The following RBFOX1 variants were observed in gnomAD, a reference collection of about 807,000 sequenced individuals.
RBFOX1 encodes the protein RNA binding fox-1 homolog 1.
RBFOX1 carries 8 observed loss-of-function variants against 57.7 expected under a neutral mutation model. That is an observed-to-expected ratio of 0.14 (90% confidence interval 0.08 to 0.25). The LOEUF (loss-of-function observed/expected upper bound fraction) is 0.25. RBFOX1 is among the 10% of genes least tolerant of loss of function. RBFOX1 has a pLI of 1.00. For missense variants in RBFOX1, 611 were observed against 548.5 expected, an observed-to-expected ratio of 1.11 and a Z score of -1.14; for synonymous variants, 326 against 222.4, an observed-to-expected ratio of 1.47 and a Z score of -4.15.
At chr16:7,607,231 A>G (rs1380335523) in intron 9 of RBFOX1, 54 bp from the exon 10 acceptor site, 2 of 1,479,850 alleles carry the variant, frequency 1.4e-6, no homozygotes, top group African/African-American at 1.4e-5. Context: ...ATTTGCAATT[A>G]TATAAGATGT....
intron 3 of RBFOX1, among the ~76,000 whole-genome samples, chr16:6,876,127 G>A (rs2061801142): frequency 6.6e-6 from 1 of 152,070 alleles, no homozygotes; most frequent in Admixed American, 6.5e-5. Context: ...AGGCTGCAGT[G>A]AGCCATGATT....
intron 3 of RBFOX1, among the ~76,000 whole-genome samples, chr16:5,686,857 G>A (rs1486637980): frequency 6.6e-6 from 1 of 152,064 alleles, no homozygotes; most frequent in African/African-American, 2.4e-5. Context: ...TTTCATCTGG[G>A]GCTGAGAATA....
chr16:6,655,660 A>T (rs2098645305), intron 3 of RBFOX1, among the ~76,000 whole-genome samples: 1 of 152,116 alleles, frequency 6.6e-6, no homozygotes, highest in Non-Finnish European at 1.5e-5. Flanking sequence ...CACATCCAAG[A>T]AGATCAGATT....
At chr16:5,539,787 A>G (rs957028394) in intron 2 of RBFOX1, among the ~76,000 whole-genome samples, 3 of 152,104 alleles carry the variant, frequency 2.0e-5, no homozygotes, top group Non-Finnish European at 4.4e-5. Flanking sequence ...TTAGATGCCT[A>G]TTTTTTTAAG....
At chr16:6,140,471 C>G (rs57334904) in intron 1 of RBFOX1, among the ~76,000 whole-genome samples, 4,776 of 152,278 alleles carry the variant, frequency 0.031, 269 homozygotes, top group African/African-American at 0.11. Flanking sequence ...GCTGGGATTA[C>G]AGGTGTGAGC....
intron 3 of RBFOX1, among the ~76,000 whole-genome samples, chr16:5,778,392 C>A (rs557170543): frequency 3.9e-5 from 6 of 152,306 alleles, no homozygotes; most frequent in Admixed American, 1.3e-4. Context: ...ACTGGCTTCA[C>A]CCCTAGTCCT....
intron 2 of RBFOX1, among the ~76,000 whole-genome samples, chr16:6,535,343 G>C (rs1424691073): frequency 6.6e-6 from 1 of 152,076 alleles, no homozygotes; most frequent in Non-Finnish European, 1.5e-5. Flanking sequence ...AGCTCCTCTG[G>C]GTATGAGGTC....
At chr16:5,298,894 G>A (rs530231189) in intron 1 of RBFOX1, among the ~76,000 whole-genome samples, 3 of 96,630 alleles carry the variant, frequency 3.1e-5, no homozygotes, top group African/African-American at 1.2e-4. Context: ...TAGGGCAGAC[G>A]GGACTGAGTT....
intron 4 of RBFOX1, among the ~76,000 whole-genome samples, chr16:7,056,222 G>T (rs577406710): frequency 1.2e-4 from 19 of 152,070 alleles, no homozygotes; most frequent in Non-Finnish European, 2.2e-4. Flanking sequence ...CCAACAGTAG[G>T]GTCACTCTTC....
chr16:6,826,499 T>A (rs1053955672), intron 3 of RBFOX1, among the ~76,000 whole-genome samples: 1 of 152,168 alleles, frequency 6.6e-6, no homozygotes, highest in African/African-American at 2.4e-5. Flanking sequence ...GTGCCTGGTA[T>A]ACAATAAGCG....
intron 3 of RBFOX1, among the ~76,000 whole-genome samples, chr16:6,976,806 T>C (rs1312658382): frequency 2.1e-5 from 3 of 145,972 alleles, no homozygotes; most frequent in Non-Finnish European, 4.5e-5. Context: ...ATATATGAGA[T>C]ATAAATGATC....
At chr16:6,965,907 A>G (rs926277012) in intron 3 of RBFOX1, among the ~76,000 whole-genome samples, 4 of 152,156 alleles carry the variant, frequency 2.6e-5, no homozygotes, top group East Asian at 3.9e-4. Context: ...ATGCCGGGAA[A>G]TAGTAGCAGA....
At position 5,657,732 on chromosome 16, in the gene RBFOX1, C is replaced by CTTTTTTTTTTTTTT; in HGVS notation, c.318+58775_318+58776insTTTTTTTTTTTTTT. On this transcript the variant is annotated intron_variant, in intron 3 of 19. Coordinates refer to the RBFOX1 transcript ENST00000641259. ...TTTCTCTCTTTCTTTTGTTTCTTTT[C>CTTTTTTTTTTTTTT]TTTTCTTTTTTTTTTTTTGAGACAG... is the stretch of plus-strand genomic sequence containing the variant. Among the ~76,000 whole-genome samples the CTTTTTTTTTTTTTT allele has an allele frequency of 4.1e-5, 4 of 98,350 alleles. 2 individuals carry two copies. The highest frequency in any genetic ancestry group is 7.5e-5 in the Non-Finnish European group (4 of 53,158). The allele number at this position is 98,350 out of a possible 152,430, so 64.5% of individuals were successfully genotyped here. A position where few individuals can be genotyped will look rare whatever the true frequency, so the allele number is the denominator to read the frequency against.
intron 1 of RBFOX1, among the ~76,000 whole-genome samples, chr16:5,416,366 A>T (rs753354107): frequency 2.3e-4 from 35 of 152,192 alleles, no homozygotes; most frequent in Non-Finnish European, 4.6e-4. Flanking sequence ...CATTAGCTGT[A>T]TATACATATC....
chr16:5,758,782 G>T (rs1297087963), intron 3 of RBFOX1, among the ~76,000 whole-genome samples: 1 of 152,134 alleles, frequency 6.6e-6, no homozygotes, highest in Non-Finnish European at 1.5e-5. Context: ...TTTGGATAGG[G>T]TGGGAGAAAG....
intron 4 of RBFOX1, among the ~76,000 whole-genome samples, chr16:5,907,597 T>A (rs549412654): frequency 6.6e-6 from 1 of 152,304 alleles, no homozygotes; most frequent in South Asian, 2.1e-4. Context: ...ACATAAGTAC[T>A]CATTTAAGTC....
At chr16:6,361,034 G>T (rs538510777) in intron 2 of RBFOX1, among the ~76,000 whole-genome samples, 36 of 151,906 alleles carry the variant, frequency 2.4e-4, no homozygotes, top group Non-Finnish European at 5.3e-4. Context: ...AAGCTGAGCC[G>T]TTGCCATTAA....
chr16:7,585,382 T>C (rs1395287693), intron 6 of RBFOX1, among the ~76,000 whole-genome samples: 1 of 152,210 alleles, frequency 6.6e-6, no homozygotes, highest in Non-Finnish European at 1.5e-5. Flanking sequence ...AGTCCACAGA[T>C]TGCAGGATGA....
chr16:5,474,986 T>C (rs1217067569), intron 2 of RBFOX1, among the ~76,000 whole-genome samples: 1 of 152,238 alleles, frequency 6.6e-6, no homozygotes, highest in Non-Finnish European at 1.5e-5. Context: ...ACCAGCATTA[T>C]TCTCCATTCT....
Sources: allele counts gnomAD v4.1 joint callset (sites outside exome capture counted in the v4.1 genomes callset), GRCh38; gene constraint gnomAD v4.1.1; transcripts MANE v1.5; gene names NCBI Gene and HGNC (gene_info 2026-07-23, HGNC 2026-07-21).